DOCK5: variants seen among roughly 807,000 people sequenced by gnomAD.
DOCK5 encodes the protein dedicator of cytokinesis protein 5.
DOCK5 carries 142 observed loss-of-function variants against 251.8 expected under a neutral mutation model. The ratio of observed to expected loss-of-function variants is 0.56; its 90% CI spans 0.49 to 0.65. The LOEUF (loss-of-function observed/expected upper bound fraction) is 0.65, where lower values mean the gene tolerates loss of function less well. DOCK5 is among the 30% of genes least tolerant of loss of function. DOCK5 has a pLI of 0.00. For missense variants in DOCK5, 2,111 were observed against 2,312.3 expected (o/e 0.91, Z 1.79); for synonymous variants, 842 against 835.5 (o/e 1.01, Z -0.13).
chr8:25,359,091 T>G (rs1420922543), intron 28 of DOCK5, 30 bp downstream of exon 28: 2 of 1,583,084 alleles, frequency 1.3e-6, no homozygotes, highest in South Asian at 2.2e-5. Flanking sequence ...CCTGGTAACC[T>G]GAAGACTTCT....
intron 38 of DOCK5, among the ~76,000 whole-genome samples, chr8:25,379,758 G>T (rs780446412): frequency 2.0e-5 from 3 of 151,884 alleles, no homozygotes; most frequent in South Asian, 2.1e-4. Flanking sequence ...AGCTCCAGCC[G>T]GTCCCTCCAT....
intron 19 of DOCK5, 75 bp downstream of exon 19, chr8:25,332,423 C>A: frequency 7.8e-7 from 1 of 1,276,054 alleles, no homozygotes; most frequent in Non-Finnish European, 1.1e-6. Context: ...CTAATTGGTT[C>A]ACCATTTAAA....
chr8:25,377,866 A>G (rs1195639478), intron 38 of DOCK5, among the ~76,000 whole-genome samples: 2 of 151,730 alleles, frequency 1.3e-5, no homozygotes, highest in Non-Finnish European at 2.9e-5. Flanking sequence ...CTCAATCAGG[A>G]AGCTCACCCA....
At chr8:25,193,923 A>G (rs74208318) in intron 1 of DOCK5, among the ~76,000 whole-genome samples, 2,080 of 152,236 alleles carry the variant, frequency 0.014, 88 homozygotes, top group East Asian at 0.14. Flanking sequence ...TTCCATGTAT[A>G]TTTTAGTGAG....
chr8:25,354,063 A>C (rs1800522380), intron 27 of DOCK5, among the ~76,000 whole-genome samples: 1 of 137,874 alleles, frequency 7.3e-6, no homozygotes, highest in African/African-American at 2.7e-5. Flanking sequence ...CAAAAAAAAA[A>C]ACGTAGGAGA....
At chr8:25,199,032 CTG>C (rs1801803452) in intron 1 of DOCK5, among the ~76,000 whole-genome samples, 1 of 152,162 alleles carries the variant, frequency 6.6e-6, no homozygotes, top group Non-Finnish European at 1.5e-5. Flanking sequence ...GGAAGTGACA[CTG>C]TGGGTTGCAC....
In DOCK5 at chr8:25,267,690, C is replaced by A. The variant is rs542014735; in HGVS notation, c.128-1155C>A. On this transcript the variant is annotated intron_variant, in intron 2 of 51. Coordinates refer to ENST00000276440, the MANE Select transcript of DOCK5 (RefSeq NM_024940.8). ...GGTTTACCTGGGCAAGATGACCACACTGATGCTTTAGTTGATGGGCATGGG... is the reference window on the plus strand; with the variant it reads ...GGTTTACCTGGGCAAGATGACCACAATGATGCTTTAGTTGATGGGCATGGG... Among the ~76,000 whole-genome samples the A allele has an allele frequency of 1.1e-4, 17 of 152,264 alleles. No individual in the cohort carries two copies. In the East Asian group the frequency reaches 3.3e-3, roughly 29 times the overall value.
intron 2 of DOCK5, among the ~76,000 whole-genome samples, chr8:25,258,273 A>G (rs1803472864): frequency 6.6e-6 from 1 of 151,968 alleles, no homozygotes; most frequent in Non-Finnish European, 1.5e-5. Flanking sequence ...ACTGGTTGCA[A>G]ATAGAAATCT....
chr8:25,332,156 G>T, intron 18 of DOCK5, 95 bp from the exon 19 acceptor site: 1 of 825,758 alleles, frequency 1.2e-6, no homozygotes, highest in East Asian at 2.6e-5. Flanking sequence ...CCACTATTGA[G>T]AGCAATTACC....
chr8:25,390,214 T>G lies in DOCK5; in HGVS notation c.4282T>G (p.Cys1428Gly), dbSNP rs1160962090. The stretch of plus-strand genomic sequence containing the variant: ...CTTAACGAGCTCTTCAGACATGCAG[T>G]GCTTCACTGTAAAGCCAGTGATGAG... The part of the protein sequence containing the change: ...IKSSPKQYMQ[C>G]FTVKPVMSLP... Residue 1428 changes from cysteine to glycine, a missense_variant, in exon 42 of 52, where the codon TGC becomes GGC. Physicochemically the swap from Cys to Gly is radical, Grantham distance 159 (BLOSUM62 -3). This residue lies in a region of DOCK5 where 1,717 missense variants were observed against 1,892.4 expected (regional missense o/e 0.91). Transcript: ENST00000276440. The G allele has an allele frequency of 6.3e-7, 1 of 1,588,666 alleles. No homozygotes were observed. The highest frequency in any genetic ancestry group is 8.6e-7 in the Non-Finnish European group (1 of 1,166,940).
chr8:25,270,711 G>T, intron 3 of DOCK5: 1 of 635,284 alleles, frequency 1.6e-6, no homozygotes. Flanking sequence ...AGTATGTAAG[G>T]ATCCTTTTGA....
At chr8:25,206,942 A>T (rs190005560) in intron 1 of DOCK5, among the ~76,000 whole-genome samples, 2 of 152,290 alleles carry the variant, frequency 1.3e-5, no homozygotes, top group East Asian at 3.9e-4. Context: ...AGGGGAGCAG[A>T]TGTGGAGAGA....
chr8:25,382,930 C>G (rs1801095366), intron 40 of DOCK5, among the ~76,000 whole-genome samples, 152 bp downstream of exon 40: 1 of 151,120 alleles, frequency 6.6e-6, no homozygotes, highest in Non-Finnish European at 1.5e-5. Context: ...CAGCCGGCCT[C>G]TTCACCCCAC....
At chr8:25,407,885 A>T in intron 48 of DOCK5, 98 bp from the exon 49 acceptor site, 6 of 867,400 alleles carry the variant, frequency 6.9e-6, no homozygotes, top group Admixed American at 3.9e-5. Flanking sequence ...AAAAAAAAAA[A>T]ATAGCCTAAA....
intron 1 of DOCK5, among the ~76,000 whole-genome samples, chr8:25,188,570 T>C (rs1360933716): frequency 6.6e-6 from 1 of 152,216 alleles, no homozygotes; most frequent in Non-Finnish European, 1.5e-5. Context: ...TGGCTGTTCC[T>C]GACATATCCT....
chr8:25,363,194 C>T lies in DOCK5; in HGVS notation c.3044+53C>T, dbSNP rs565908395. 1.0e-5 allele frequency: 15 copies of T among 1,457,476 alleles called. No homozygotes were observed. The South Asian group carries it at 1.6e-4, about 16-fold the overall frequency. The allele number at this position is 1,457,476 out of a possible 1,614,324, so 90.3% of individuals were successfully genotyped here. The stretch of plus-strand genomic sequence containing the variant: ...GCATTTGTCTGAATACCTAAGGCTG[C>T]TGTGTGAACTTTGGGAAATGTCTTT... On this transcript the variant is annotated intron_variant, in intron 29 of 51. Coordinates refer to ENST00000276440, the MANE Select transcript of DOCK5 (RefSeq NM_024940.8).
chr8:25,360,786 T>G (rs1301781829), intron 28 of DOCK5, among the ~76,000 whole-genome samples: 1 of 152,130 alleles, frequency 6.6e-6, no homozygotes, highest in Non-Finnish European at 1.5e-5. Context: ...TTCTAGGGAT[T>G]TTGTTTCAAA....
chr8:25,322,636 A>C (rs1304764253), intron 16 of DOCK5, among the ~76,000 whole-genome samples: 2 of 152,244 alleles, frequency 1.3e-5, no homozygotes, highest in Non-Finnish European at 2.9e-5. Context: ...ATATTTGTAC[A>C]TGGTCCTGTT....
rs755511798 is a variant in DOCK5, at chr8:25,190,775, G to GTTTTTTTTTTTTTTTTTTTTTTTTT, written c.43+5824_43+5825insTTTTTTTTTTTTTTTTTTTTTTTTT. On this transcript the variant is annotated intron_variant, in intron 1 of 51. Coordinates refer to ENST00000276440, the MANE Select transcript of DOCK5 (RefSeq NM_024940.8). The stretch of plus-strand genomic sequence containing the variant: ...AAGGCCTGGCCTTAACTTGGTCATG[G>GTTTTTTTTTTTTTTTTTTTTTTTTT]GTTTTTTTTTTTTTTTTTTTTTTTT... 3.1e-4 allele frequency among the ~76,000 whole-genome samples: 17 copies of GTTTTTTTTTTTTTTTTTTTTTTTTT among 53,980 alleles called. 2 individuals are homozygous for GTTTTTTTTTTTTTTTTTTTTTTTTT. Among genetic ancestry groups the GTTTTTTTTTTTTTTTTTTTTTTTTT allele is most frequent in the Middle Eastern group, 0.022 (1 of 46 alleles). The allele number at this position is 53,980 out of a possible 152,430, so 35.4% of individuals were successfully genotyped here.
Sources: gnomAD v4.1 joint callset for allele counts (sites outside exome capture counted in the v4.1 genomes callset) on GRCh38, gnomAD v4.1.1 for gene constraint, gnomAD v4.1.1 regional missense constraint, MANE v1.5 for transcripts, NCBI Gene and HGNC (gene_info 2026-07-23, HGNC 2026-07-21) for gene names.